XG: variants seen among roughly 807,000 people sequenced by gnomAD.
XG encodes the protein glycoprotein Xg.
A neutral mutation model predicts 25.7 loss-of-function variants in XG; 24 were observed. The observed-to-expected ratio is 0.93, with a 90% CI of 0.68 to 1.31. The LOEUF (loss-of-function observed/expected upper bound fraction) is 1.31. XG is among the 40% of genes most tolerant of loss of function. The pLI, the probability that XG is intolerant of heterozygous loss-of-function variation, is 0.00. For synonymous variants in XG, 77 were observed against 69.2 expected, an observed-to-expected ratio of 1.11 and a Z score of -0.56; for missense variants, 181 against 187.6, an observed-to-expected ratio of 0.96 and a Z score of 0.21.
chrX:2,806,546 G>A (rs1225447171), intron 7 of XG, among the ~76,000 whole-genome samples, 155 bp from the exon 8 acceptor site: 1 of 110,874 alleles, frequency 9.0e-6, no homozygotes, highest in African/African-American at 3.3e-5. Context: ...GCCAGATGGC[G>A]CCTGTGCACC....
chrX:2,771,084 G>C (rs772315061), intron 2 of XG, among the ~76,000 whole-genome samples: 176 of 152,058 alleles, frequency 1.2e-3, no homozygotes, highest in African/African-American at 3.7e-3. Flanking sequence ...GAACCCCTGG[G>C]CTCAAGAAAT....
intron 4 of XG, among the ~76,000 whole-genome samples, chrX:2,785,751 G>A (rs2147065045): frequency 1.8e-5 from 2 of 111,456 alleles, no homozygotes; most frequent in East Asian, 5.7e-4. Flanking sequence ...GCCCAAATGA[G>A]CCCAGGCTAG....
intron 1 of XG, among the ~76,000 whole-genome samples, chrX:2,757,774 C>G (rs1197568658): frequency 6.6e-6 from 1 of 151,584 alleles, no homozygotes; most frequent in Admixed American, 6.6e-5. Context: ...GAGTTTGAGA[C>G]CAGCCTGGCC....
intron 7 of XG, among the ~76,000 whole-genome samples, 160 bp downstream of exon 7, chrX:2,797,520 G>A (rs2086897164): frequency 9.2e-6 from 1 of 108,450 alleles, no homozygotes; most frequent in Non-Finnish European, 1.9e-5. Flanking sequence ...GTCTGTGCTG[G>A]GCTGTTCTGC....
At position 2,752,344 on chromosome X, in the gene XG, C is replaced by A; in HGVS notation, c.61+9C>A. On this transcript the variant is annotated intron_variant, in intron 1 of 10. Coordinates refer to ENST00000644266, the MANE Select transcript of XG (RefSeq NM_001141919.2). Reference sequence around the variant, plus strand: ...TCTAATGCACGCCCGAGGTAAGAGGCATTTTGCTTTGAGGGAGATCTGCCT... The same window carrying A: ...TCTAATGCACGCCCGAGGTAAGAGGAATTTTGCTTTGAGGGAGATCTGCCT... The A allele has an allele frequency of 1.2e-6, 2 of 1,612,912 alleles. No homozygotes were observed. The highest frequency in any genetic ancestry group is 1.7e-6 in the Non-Finnish European group (2 of 1,179,852).
intron 2 of XG, among the ~76,000 whole-genome samples, chrX:2,773,516 AG>A (rs2050882601): frequency 7.1e-6 from 1 of 140,532 alleles, no homozygotes; most frequent in African/African-American, 2.7e-5. Context: ...GGAAGGAAGG[AG>A]AGAAGGAAGG....
intron 1 of XG, among the ~76,000 whole-genome samples, chrX:2,768,271 A>G (rs968412289): frequency 1.3e-5 from 2 of 152,148 alleles, no homozygotes; most frequent in African/African-American, 4.8e-5. Flanking sequence ...ACAGTGAAAG[A>G]TATTGGTCAA....
chrX:2,755,419 C>T (rs2124392161), intron 1 of XG, among the ~76,000 whole-genome samples: 1 of 152,240 alleles, frequency 6.6e-6, no homozygotes, highest in African/African-American at 2.4e-5. Context: ...TGAGGACAAC[C>T]AGAGGCCACT....
chrX:2,786,876 T>C (rs1225580971), intron 4 of XG, among the ~76,000 whole-genome samples: 63 of 90,701 alleles, frequency 6.9e-4, no homozygotes, highest in African/African-American at 1.6e-3. Context: ...AGAGAGGCCT[T>C]AGGAGGAACC....
intron 2 of XG, 89 bp downstream of exon 2, chrX:2,770,680 C>G: frequency 2.0e-6 from 3 of 1,521,332 alleles, no homozygotes; most frequent in Non-Finnish European, 2.7e-6. Flanking sequence ...TTGGATTGGG[C>G]CAGTGTTGGG....
chrX:2,809,064 G>A (rs1364796663), intron 9 of XG, among the ~76,000 whole-genome samples: 3 of 111,392 alleles, frequency 2.7e-5, no homozygotes, highest in Non-Finnish European at 1.9e-5. Context: ...TCCTAGACTA[G>A]GTTAGGTGAG....
Position 2,811,520 on chromosome X carries a change from G to GA in XG, c.571+69dup, listed in dbSNP as rs1183251407. 3 of 803,920 alleles carry GA rather than the reference G, an allele frequency of 3.7e-6. No individual in the cohort carries two copies. The Admixed American group carries it at 9.5e-5, about 25-fold the overall frequency. 66.3% of individuals were successfully genotyped at this position (803,920 alleles called of 1,213,427 possible). A position where few individuals can be genotyped will look rare whatever the true frequency, so the allele number is the denominator to read the frequency against. ...GATTTAAAAAAAAAAATTACTTTCAGATGTCTGTCACTAGCAAGGTTATTT... is the reference window on the plus strand; with the variant it reads ...GATTTAAAAAAAAAAATTACTTTCAGAATGTCTGTCACTAGCAAGGTTATTT... On this transcript the variant is annotated intron_variant, in intron 10 of 10. Transcript: ENST00000644266.
chrX:2,772,290 C>G (rs1185173112), intron 2 of XG, among the ~76,000 whole-genome samples: 1 of 152,074 alleles, frequency 6.6e-6, no homozygotes, highest in South Asian at 2.1e-4. Context: ...GCAATATTCA[C>G]AATAAGCCAA....
chrX:2,785,645 C>G (rs1398611326), intron 4 of XG, among the ~76,000 whole-genome samples: 3 of 110,747 alleles, frequency 2.7e-5, no homozygotes, highest in Non-Finnish European at 3.8e-5. Flanking sequence ...CGTACACACC[C>G]AAGGAAAAGG....
At chrX:2,756,798 C>A (rs1349227685) in intron 1 of XG, among the ~76,000 whole-genome samples, 1 of 152,156 alleles carries the variant, frequency 6.6e-6, no homozygotes, top group Non-Finnish European at 1.5e-5. Context: ...TGCAGACGGG[C>A]AGGTGCAGCA....
At chrX:2,776,779 C>T (rs1424848656) in intron 3 of XG, among the ~76,000 whole-genome samples, 6 of 151,514 alleles carry the variant, frequency 4.0e-5, no homozygotes, top group African/African-American at 1.2e-4. Context: ...ACCCGGGAGG[C>T]GGAGCTTGCA....
At chrX:2,781,856 C>A (rs1449420659) in intron 3 of XG, among the ~76,000 whole-genome samples, 2 of 100,959 alleles carry the variant, frequency 2.0e-5, no homozygotes, top group African/African-American at 3.8e-5. Flanking sequence ...AAAACGGAAA[C>A]CTTTTTTTTT....
intron 3 of XG, among the ~76,000 whole-genome samples, chrX:2,778,983 C>T (rs1293934910): frequency 7.2e-5 from 11 of 151,906 alleles, no homozygotes; most frequent in African/African-American, 1.9e-4. Context: ...AGGCTGGTCT[C>T]GAACTCCTGA....
At chrX:2,788,982 G>GCTCTT (rs2086810896) in intron 4 of XG, among the ~76,000 whole-genome samples, 1 of 111,695 alleles carries the variant, frequency 9.0e-6, no homozygotes, top group African/African-American at 3.3e-5. Context: ...GATGATTCCA[G>GCTCTT]CTCTTTGGGA....
Sources: allele counts gnomAD v4.1 joint callset (sites outside exome capture counted in the v4.1 genomes callset), GRCh38; gene constraint gnomAD v4.1.1; transcripts MANE v1.5; gene names NCBI Gene and HGNC (gene_info 2026-07-23, HGNC 2026-07-21).